The following SLC14A2 variants were observed in gnomAD, a reference collection of about 807,000 sequenced individuals.
The protein encoded by SLC14A2 is urea transporter 2.
SLC14A2 carries 91 observed loss-of-function variants against 104.6 expected under a neutral mutation model. That is an observed-to-expected ratio of 0.87 (90% CI 0.73 to 1.04). The LOEUF is 1.04. SLC14A2 is among the 50% of genes least tolerant of loss of function. The pLI is 0.00. For missense variants in SLC14A2, 1,189 were observed against 1,156.0 expected (o/e 1.03, Z -0.41); for synonymous variants, 476 against 466.4 (o/e 1.02, Z -0.27).
Position 45,318,803 on chromosome 18 carries a change from T to C in SLC14A2, c.-125+105612T>C, listed in dbSNP as rs571737179. Among the ~76,000 whole-genome samples the C allele has an allele frequency of 1.6e-3, 248 of 150,356 alleles. 1 individual carries two copies. The highest frequency in any genetic ancestry group is 5.7e-3 in the African/African-American group (233 of 40,852). On this transcript the variant is annotated intron_variant, in intron 1 of 20. Transcript: ENST00000586448. ...ACTCTGTCTAAAAAAAAAAAAAAAA[T>C]TCGCAGGTCCTCCCCAGGCTGGGAC...
intron 1 of SLC14A2, among the ~76,000 whole-genome samples, chr18:45,260,937 A>G (rs778940216): frequency 6.6e-6 from 1 of 152,138 alleles, no homozygotes; most frequent in Non-Finnish European, 1.5e-5. Context: ...AAACCTCAGC[A>G]TCGTGCAATA....
chr18:45,489,181 A>C (rs1298051783), intron 2 of SLC14A2, among the ~76,000 whole-genome samples: 1 of 152,162 alleles, frequency 6.6e-6, no homozygotes, highest in Non-Finnish European at 1.5e-5. Flanking sequence ...ATGGCTCATG[A>C]TTCTTATAGG....
intron 1 of SLC14A2, among the ~76,000 whole-genome samples, chr18:45,475,685 A>G (rs1380969804): frequency 1.4e-5 from 1 of 71,938 alleles, no homozygotes; most frequent in Non-Finnish European, 2.7e-5. Flanking sequence ...ATATATATAT[A>G]TATGATAGTT....
chr18:45,255,589 T>A (rs890937880), intron 1 of SLC14A2, among the ~76,000 whole-genome samples: 4 of 152,186 alleles, frequency 2.6e-5, no homozygotes, highest in African/African-American at 9.7e-5. Context: ...TGATTGCCTG[T>A]CATCTCAAGA....
intron 1 of SLC14A2, among the ~76,000 whole-genome samples, chr18:45,220,491 G>GC (rs2084050931): frequency 6.6e-6 from 1 of 152,200 alleles, no homozygotes; most frequent in East Asian, 1.9e-4. Flanking sequence ...AACTGAGGCA[G>GC]GGTTTTAAAC....
At chr18:45,337,437 T>G (rs2085348320) in intron 1 of SLC14A2, among the ~76,000 whole-genome samples, 1 of 152,128 alleles carries the variant, frequency 6.6e-6, no homozygotes, top group South Asian at 2.1e-4. Context: ...GCACACAAGT[T>G]TATTAGCAGA....
intron 5 of SLC14A2, among the ~76,000 whole-genome samples, chr18:45,634,115 C>G (rs1279146566): frequency 6.6e-6 from 1 of 152,140 alleles, no homozygotes. Context: ...CACTGAGCAC[C>G]CCACCCTGGG....
rs531318410 is a variant in SLC14A2, at chr18:45,392,055, A to G, written c.-124-91178A>G. ...GTTATACCTGTTTTAGAGATGAGGT[A>G]AGCAATGTCTAGAGAAGTTTAATAA... On this transcript the variant is annotated intron_variant, in intron 1 of 20. Coordinates refer to the SLC14A2 transcript ENST00000586448. Among the ~76,000 whole-genome samples the G allele has an allele frequency of 2.0e-5, 3 of 152,356 alleles. No homozygotes were observed. The South Asian group carries it at 6.2e-4, about 32-fold the overall frequency.
At chr18:45,247,248 C>T (rs1301790271) in intron 1 of SLC14A2, among the ~76,000 whole-genome samples, 1 of 152,210 alleles carries the variant, frequency 6.6e-6, no homozygotes, top group Non-Finnish European at 1.5e-5. Flanking sequence ...CTCCCCGGTA[C>T]AGTCAAAATT....
intron 1 of SLC14A2, among the ~76,000 whole-genome samples, chr18:45,454,251 T>A (rs1971045): frequency 0.33 from 50,773 of 152,096 alleles, 10,246 homozygotes; most frequent in Non-Finnish European, 0.45. Flanking sequence ...CTTCCTTTTT[T>A]TTAACATGAG....
intron 1 of SLC14A2, among the ~76,000 whole-genome samples, chr18:45,445,623 TGATTGAAA>T (rs1197330860): frequency 6.6e-6 from 1 of 152,192 alleles, no homozygotes; most frequent in Non-Finnish European, 1.5e-5. Flanking sequence ...CTCATAGGAA[TGATTGAAA>T]GATTGAATGA....
upstream of SLC14A2, among the ~76,000 whole-genome samples, chr18:45,210,487 G>A (rs975616713): frequency 1.3e-5 from 2 of 152,182 alleles, no homozygotes; most frequent in Admixed American, 1.3e-4. Context: ...GCTGAGGCAG[G>A]AGGATTGCTT....
At chr18:45,545,899 G>C (rs1200585742) in intron 2 of SLC14A2, among the ~76,000 whole-genome samples, 1 of 152,074 alleles carries the variant, frequency 6.6e-6, no homozygotes, top group Non-Finnish European at 1.5e-5. Flanking sequence ...TTTTTAAACA[G>C]CTATTAAGTT....
chr18:45,479,837 G>A (rs975177483), intron 1 of SLC14A2, among the ~76,000 whole-genome samples: 10 of 152,156 alleles, frequency 6.6e-5, no homozygotes, highest in African/African-American at 2.4e-4. Flanking sequence ...ACAGGCCTCT[G>A]AGCCCCCAAA....
intron 1 of SLC14A2, among the ~76,000 whole-genome samples, chr18:45,458,190 T>C (rs1262353624): frequency 6.6e-6 from 1 of 151,902 alleles, no homozygotes; most frequent in African/African-American, 2.4e-5. Flanking sequence ...GCCCCTAGAG[T>C]GGAGCCAACA....
intron 1 of SLC14A2, among the ~76,000 whole-genome samples, chr18:45,289,032 A>G (rs968728349): frequency 3.9e-5 from 6 of 152,132 alleles, no homozygotes; most frequent in Non-Finnish European, 5.9e-5. Context: ...GAGTAATCCC[A>G]AGTCCTGAGC....
intron 2 of SLC14A2, among the ~76,000 whole-genome samples, chr18:45,503,163 T>C (rs2043225453): frequency 6.6e-6 from 1 of 152,132 alleles, no homozygotes; most frequent in Non-Finnish European, 1.5e-5. Flanking sequence ...TTAGGTCAGA[T>C]TGATGCTGCA....
chr18:45,317,839 A>G (rs1461019671), intron 1 of SLC14A2, among the ~76,000 whole-genome samples: 2 of 152,156 alleles, frequency 1.3e-5, no homozygotes, highest in Non-Finnish European at 2.9e-5. Context: ...CACAGCTTCA[A>G]TCTGAGCTCA....
At chr18:45,200,831 C>T in the SLC14A2 span, among the ~76,000 whole-genome samples, 4 of 152,032 alleles carry the variant, frequency 2.6e-5, no homozygotes, top group African/African-American at 7.2e-5. Context: ...TACCCAATGC[C>T]TGCTTGCCTC....
Sources: allele counts gnomAD v4.1 joint callset (sites outside exome capture counted in the v4.1 genomes callset), GRCh38; gene constraint gnomAD v4.1.1; transcripts MANE v1.5; gene names NCBI Gene and HGNC (gene_info 2026-07-23, HGNC 2026-07-21).